Variants in PHLDB2 observed in about 807,000 individuals in gnomAD.
PHLDB2 encodes pleckstrin homology-like domain family B member 2.
Under a neutral mutation model 123.6 loss-of-function variants are expected in PHLDB2, and 71 were observed. The observed-to-expected ratio is 0.57, with a 90% CI of 0.47 to 0.70. The LOEUF (loss-of-function observed/expected upper bound fraction) is 0.70. Among genes scored for constraint, PHLDB2 ranks in the 30% least tolerant of loss-of-function variants. The pLI is 0.00. For missense variants in PHLDB2, 1,446 were observed against 1,519.5 expected, an observed-to-expected ratio of 0.95 and a Z score of 0.80; for synonymous variants, 547 against 541.6, an observed-to-expected ratio of 1.01 and a Z score of -0.14.
intron 1 of PHLDB2, among the ~76,000 whole-genome samples, chr3:111,762,091 T>A (rs189082477): frequency 1.3e-5 from 2 of 152,264 alleles, no homozygotes; most frequent in African/African-American, 2.4e-5. Context: ...CAGACCAGCG[T>A]CTTAGCTATT....
At chr3:111,911,430 A>G (rs2067874344) in intron 2 of PHLDB2, among the ~76,000 whole-genome samples, 1 of 152,190 alleles carries the variant, frequency 6.6e-6, no homozygotes. Flanking sequence ...CTCCTTACAT[A>G]TGCTCTTGGA....
chr3:111,923,359 A>G (rs533969923), intron 5 of PHLDB2, among the ~76,000 whole-genome samples: 3 of 152,258 alleles, frequency 2.0e-5, no homozygotes, highest in East Asian at 1.9e-4. Context: ...GTGTACCACA[A>G]TCTTCTGGTT....
At chr3:111,912,557 C>A (rs79565941) in intron 2 of PHLDB2, among the ~76,000 whole-genome samples, 4,230 of 151,404 alleles carry the variant, frequency 0.028, 126 homozygotes, top group South Asian at 0.13. Flanking sequence ...ATATGGTGAC[C>A]AGGCATTAAA....
chr3:111,859,760 A>T, intron 1 of PHLDB2, 184 bp downstream of exon 1: 1 of 984,300 alleles, frequency 1.0e-6, no homozygotes, highest in South Asian at 4.7e-5. Context: ...CTGACTGCTC[A>T]CCGCGAGTCA....
chr3:111,971,490 C>A (rs1012842115), intron 16 of PHLDB2, among the ~76,000 whole-genome samples: 6 of 152,068 alleles, frequency 3.9e-5, no homozygotes, highest in African/African-American at 1.2e-4. Context: ...TTACCCAGAA[C>A]CCTAATTTAA....
intron 13 of PHLDB2, among the ~76,000 whole-genome samples, chr3:111,963,781 A>T (rs2071573636): frequency 1.3e-5 from 2 of 152,252 alleles, no homozygotes; most frequent in Admixed American, 6.5e-5. Flanking sequence ...TAAGTTAAAA[A>T]CAAATCTTAA....
At chr3:111,971,620 C>G (rs749655884) in intron 16 of PHLDB2, among the ~76,000 whole-genome samples, 6 of 152,176 alleles carry the variant, frequency 3.9e-5, no homozygotes, top group Non-Finnish European at 8.8e-5. Flanking sequence ...CATCACCTAT[C>G]AGCTTTGTCC....
chr3:111,745,799 GAGAAAGAA>G (rs67374169), intron 1 of PHLDB2, among the ~76,000 whole-genome samples: 1 of 151,182 alleles, frequency 6.6e-6, no homozygotes, highest in Non-Finnish European at 1.5e-5. Context: ...GAAAAGAAAA[GAGAAAGAA>G]AGAAGAAAGA....
intron 11 of PHLDB2, 90 bp from the exon 12 acceptor site, chr3:111,953,836 TTAGA>T: frequency 3.1e-6 from 3 of 954,990 alleles, no homozygotes; most frequent in South Asian, 1.5e-5. Context: ...CCCTGTACAC[TTAGA>T]TAGGAGCTTT....
chr3:111,927,571 G>A (rs990710156), intron 5 of PHLDB2, among the ~76,000 whole-genome samples: 10 of 152,164 alleles, frequency 6.6e-5, no homozygotes, highest in African/African-American at 2.2e-4. Flanking sequence ...TAACAGGGTT[G>A]TCAGAACTAG....
chr3:111,917,898 G>C (rs2068271459), intron 3 of PHLDB2, among the ~76,000 whole-genome samples: 1 of 152,002 alleles, frequency 6.6e-6, no homozygotes, highest in African/African-American at 2.4e-5. Flanking sequence ...TTAATTTGAA[G>C]ATTTTTTTTA....
intron 2 of PHLDB2, 104 bp from the exon 3 acceptor site, chr3:111,913,215 T>C: frequency 8.0e-7 from 1 of 1,248,320 alleles, no homozygotes. Flanking sequence ...TGGGTTTATG[T>C]ATGGAATGCA....
chr3:111,960,952 A>T (rs1456741265), intron 12 of PHLDB2, among the ~76,000 whole-genome samples: 1 of 152,190 alleles, frequency 6.6e-6, no homozygotes, highest in African/African-American at 2.4e-5. Flanking sequence ...TAATGCCCTA[A>T]ATCAGCGATC....
At chr3:111,861,506 C>G (rs1181089895) in intron 1 of PHLDB2, among the ~76,000 whole-genome samples, 1 of 152,148 alleles carries the variant, frequency 6.6e-6, no homozygotes, top group Non-Finnish European at 1.5e-5. Context: ...CTCAGCCTGT[C>G]AGAAGTGGAA....
chr3:111,898,254 A>G (rs2066991707), intron 2 of PHLDB2, among the ~76,000 whole-genome samples: 1 of 150,662 alleles, frequency 6.6e-6, no homozygotes, highest in African/African-American at 2.4e-5. Flanking sequence ...ATCTTGGCTC[A>G]CTGCTGCACC....
chr3:111,894,193 G>GA (rs1189049472), intron 2 of PHLDB2, among the ~76,000 whole-genome samples: 1 of 151,018 alleles, frequency 6.6e-6, no homozygotes, highest in East Asian at 2.0e-4. Context: ...AGTTTACTGA[G>GA]AATGATGATT....
chr3:111,736,845 C>T (rs1246093073), intron 1 of PHLDB2, among the ~76,000 whole-genome samples: 1 of 152,126 alleles, frequency 6.6e-6, no homozygotes, highest in Non-Finnish European at 1.5e-5. Context: ...CTTTCAAGCC[C>T]ATGTGCCCAT....
At position 111,957,829 on chromosome 3, in the gene PHLDB2, T is replaced by G. The variant is rs143995877; in HGVS notation, c.2872+3800T>G. ...GATGTTAGACGATGTGTTATAAAACTTGATGAACTGTGCTTCAAATAATTG... is the reference window on the plus strand; with the variant it reads ...GATGTTAGACGATGTGTTATAAAACGTGATGAACTGTGCTTCAAATAATTG... On this transcript the variant is annotated intron_variant, in intron 12 of 17. Coordinates refer to ENST00000431670, the MANE Select transcript of PHLDB2 (RefSeq NM_001134438.2). Among the ~76,000 whole-genome samples the G allele has an allele frequency of 3.3e-4, 50 of 152,350 alleles. 1 individual carries two copies. The highest frequency in any genetic ancestry group is 1.2e-3 in the African/African-American group (50 of 41,586).
intron 1 of PHLDB2, among the ~76,000 whole-genome samples, chr3:111,805,431 CAT>C (rs1401023295): frequency 6.6e-6 from 1 of 151,312 alleles, no homozygotes; most frequent in Non-Finnish European, 1.5e-5. Context: ...CATGGTGGCG[CAT>C]GCCTGTAGTC....
Sources: allele counts gnomAD v4.1 joint callset (sites outside exome capture counted in the v4.1 genomes callset), GRCh38; gene constraint gnomAD v4.1.1; transcripts MANE v1.5; gene names NCBI Gene and HGNC (gene_info 2026-07-23, HGNC 2026-07-21).